The following PCDH11X variants were observed in gnomAD, a reference collection of about 807,000 sequenced individuals.
PCDH11X encodes the protein protocadherin-11 X-linked.
A neutral mutation model predicts 53.3 loss-of-function variants in PCDH11X; 18 were observed. The observed-to-expected ratio is 0.34, with a 90% confidence interval of 0.23 to 0.50. PCDH11X has a LOEUF of 0.50. PCDH11X is among the 20% of genes least tolerant of loss of function. The pLI is 0.98. For missense variants in PCDH11X, 570 were observed against 1,032.4 expected (o/e 0.55, Z 6.14); for synonymous variants, 279 against 393.3 (o/e 0.71, Z 3.44).
At chrX:91,781,396 C>G (rs1312589715) in intron 1 of PCDH11X, among the ~76,000 whole-genome samples, 1 of 111,790 alleles carries the variant, frequency 8.9e-6, no homozygotes, top group Non-Finnish European at 1.9e-5. Context: ...AGGAAACAAC[C>G]TGAGGAGCAT....
intron 8 of PCDH11X, among the ~76,000 whole-genome samples, chrX:92,272,388 T>C (rs1341252097): frequency 8.9e-6 from 1 of 112,016 alleles, no homozygotes; most frequent in African/African-American, 3.2e-5. Context: ...CCTGCTTAAC[T>C]CACAGGGATC....
At chrX:92,547,719 T>G (rs1222163244) in intron 10 of PCDH11X, among the ~76,000 whole-genome samples, 1 of 110,908 alleles carries the variant, frequency 9.0e-6, no homozygotes, top group Non-Finnish European at 1.9e-5. Context: ...GGCTTTTTCT[T>G]TTCTTTATTT....
intron 6 of PCDH11X, among the ~76,000 whole-genome samples, chrX:92,180,911 A>G (rs2065986565): frequency 1.9e-5 from 2 of 107,755 alleles, no homozygotes; most frequent in South Asian, 8.1e-4. Flanking sequence ...CTTTATTAGC[A>G]GTGTGAAAAT....
chrX:92,560,615 T>C (rs2075117614), intron 10 of PCDH11X, among the ~76,000 whole-genome samples: 1 of 109,040 alleles, frequency 9.2e-6, no homozygotes, highest in Admixed American at 9.8e-5. Flanking sequence ...CAAGCTGACT[T>C]GGTCTTTAAG....
chrX:92,111,554 A>T (rs1390726123), intron 6 of PCDH11X, among the ~76,000 whole-genome samples: 1 of 110,608 alleles, frequency 9.0e-6, no homozygotes, highest in East Asian at 2.8e-4. Context: ...AGGAAATTTT[A>T]AAAAAACAGC....
intron 6 of PCDH11X, among the ~76,000 whole-genome samples, chrX:92,090,104 T>A (rs1406134190): frequency 9.0e-6 from 1 of 111,101 alleles, no homozygotes; most frequent in Non-Finnish European, 1.9e-5. Context: ...TTTTCTACAG[T>A]CTACATTTTG....
At chrX:91,917,679 A>G (rs1941616815) in intron 6 of PCDH11X, among the ~76,000 whole-genome samples, 1 of 101,748 alleles carries the variant, frequency 9.8e-6, no homozygotes, top group South Asian at 4.7e-4. Context: ...AATCATCGAC[A>G]ACACAAATAG....
chrX:91,834,090 G>T (rs1937208827), intron 4 of PCDH11X, among the ~76,000 whole-genome samples: 1 of 111,143 alleles, frequency 9.0e-6, no homozygotes, highest in South Asian at 3.7e-4. Context: ...TATGACATCT[G>T]ATAGGCTTTA....
chrX:91,886,747 G>A (rs1940216468), intron 6 of PCDH11X, among the ~76,000 whole-genome samples: 1 of 109,434 alleles, frequency 9.1e-6, no homozygotes, highest in South Asian at 3.9e-4. Flanking sequence ...CAAGGCGGGA[G>A]GATCACAAGG....
chrX:92,213,715 A>G (rs1284851322), intron 7 of PCDH11X, among the ~76,000 whole-genome samples: 1 of 111,678 alleles, frequency 9.0e-6, no homozygotes, highest in African/African-American at 3.3e-5. Flanking sequence ...ACAGATGGGA[A>G]CCATTCTTCT....
intron 6 of PCDH11X, among the ~76,000 whole-genome samples, chrX:92,181,405 A>T (rs1260753790): frequency 1.8e-5 from 2 of 112,061 alleles, no homozygotes. Context: ...TTGCAGCTTG[A>T]CAATGTGATA....
chrX:92,541,422 T>C (rs1421906386), intron 10 of PCDH11X, among the ~76,000 whole-genome samples: 1 of 111,296 alleles, frequency 9.0e-6, no homozygotes, highest in Non-Finnish European at 1.9e-5. Context: ...TGCCAGTGGA[T>C]GGGGAGGGGT....
At chrX:91,907,436 G>GAGAC in intron 6 of PCDH11X, among the ~76,000 whole-genome samples, 1 of 99,071 alleles carries the variant, frequency 1.0e-5, no homozygotes, top group Non-Finnish European at 2.0e-5. Flanking sequence ...GAGAGAGAGA[G>GAGAC]AGAGAGGCTG....
At chrX:91,994,283 T>C (rs769609854) in intron 6 of PCDH11X, among the ~76,000 whole-genome samples, 6 of 108,135 alleles carry the variant, frequency 5.5e-5, no homozygotes, top group African/African-American at 1.7e-4. Flanking sequence ...TGAAAGTTTG[T>C]ACCCTTTCAC....
intron 6 of PCDH11X, among the ~76,000 whole-genome samples, chrX:92,174,514 G>A (rs1047451511): frequency 9.0e-6 from 1 of 111,633 alleles, no homozygotes; most frequent in Non-Finnish European, 1.9e-5. Context: ...GTATATGCAC[G>A]TGAGAATCAA....
chrX:91,808,497 GAA>G (rs59633527), intron 1 of PCDH11X, among the ~76,000 whole-genome samples: 1 of 96,327 alleles, frequency 1.0e-5, no homozygotes, highest in Non-Finnish European at 2.1e-5. Flanking sequence ...TCTGTCTCAA[GAA>G]AAAAAAAAAA....
At chrX:92,335,206 T>C (rs919460646) in intron 8 of PCDH11X, among the ~76,000 whole-genome samples, 1 of 26,984 alleles carries the variant, frequency 3.7e-5, no homozygotes, top group Non-Finnish European at 5.9e-5. Context: ...TAAAATCAAT[T>C]TTTTTTTTTC....
In PCDH11X at chrX:92,538,209, G is replaced by A. The variant is rs142605302; in HGVS notation, c.3367+69887G>A. Among the ~76,000 whole-genome samples, 980 of 107,487 alleles carry A rather than the reference G, an allele frequency of 9.1e-3. 2 individuals are homozygous for A. Among genetic ancestry groups the A allele is most frequent in the Non-Finnish European group, 0.015 (760 of 51,981 alleles). 93.3% of individuals were successfully genotyped at this position (107,487 alleles called of 115,157 possible). On this transcript the variant is annotated intron_variant, in intron 10 of 10. Transcript: ENST00000682573. ...TTCTTGCCATTTTCTGGTTGCCATT[G>A]GCATAAAACAGCTTTTAGCCATCCC...
At chrX:92,401,488 A>T (rs1306246123) in intron 9 of PCDH11X, among the ~76,000 whole-genome samples, 12 of 111,287 alleles carry the variant, frequency 1.1e-4, no homozygotes, top group Non-Finnish European at 1.9e-4. Flanking sequence ...GAATATTTTT[A>T]TAATTTTCTT....
Sources: gnomAD v4.1 joint callset for allele counts (sites outside exome capture counted in the v4.1 genomes callset) on GRCh38, gnomAD v4.1.1 for gene constraint, MANE v1.5 for transcripts, NCBI Gene and HGNC (gene_info 2026-07-23, HGNC 2026-07-21) for gene names.